The following WNT7B variants were observed in gnomAD, a reference collection of about 807,000 sequenced individuals.
WNT7B encodes Wnt family member 7B.
In WNT7B, 19 loss-of-function variants were observed where a neutral mutation model predicts 38.2. The ratio of observed to expected loss-of-function variants is 0.50; its 90% CI spans 0.35 to 0.73. The LOEUF (loss-of-function observed/expected upper bound fraction) is 0.73, where lower values mean the gene tolerates loss of function less well. Among genes scored for constraint, WNT7B ranks in the 30% least tolerant of loss-of-function variants. The pLI is 0.01. For missense variants in WNT7B, 423 were observed against 507.9 expected (o/e 0.83, Z 1.61); for synonymous variants, 243 against 209.3 (o/e 1.16, Z -1.39).
In WNT7B at chr22:45,976,556, C is replaced by A. The variant is rs1932555722; in HGVS notation, c.71+128G>T. The A allele has an allele frequency of 9.7e-7, 1 of 1,027,308 alleles. No individual in the cohort carries two copies. Among genetic ancestry groups the A allele is most frequent in the African/African-American group, 1.6e-5 (1 of 62,012 alleles). 63.6% of individuals were successfully genotyped at this position (1,027,308 alleles called of 1,614,324 possible). ...GTGGGGCGAGGGTCTGACACACGGG[C>A]CAGCCCCGGAGCCCAGAGAGCTGCA... On this transcript the variant is annotated intron_variant, in intron 1 of 3. Coordinates refer to ENST00000339464, the MANE Select transcript of WNT7B (RefSeq NM_058238.3). The surrounding 1 kb of genome is among the most constrained non-coding windows in gnomAD (Gnocchi z 8.5).
chr22:45,935,878 A>G (rs1261378933), intron 2 of WNT7B: 1 of 985,156 alleles, frequency 1.0e-6, no homozygotes, highest in East Asian at 1.1e-4. Flanking sequence ...GTGATGGGGA[A>G]GCTGGATGAG....
chr22:45,948,991 T>C (rs1931863847), intron 2 of WNT7B, among the ~76,000 whole-genome samples: 2 of 151,966 alleles, frequency 1.3e-5, no homozygotes, highest in African/African-American at 4.8e-5. Flanking sequence ...TGGGATTGTC[T>C]GGCTAATTTT....
intron 2 of WNT7B, among the ~76,000 whole-genome samples, chr22:45,947,174 C>T (rs1931816674): frequency 6.6e-6 from 1 of 152,324 alleles, no homozygotes; most frequent in African/African-American, 2.4e-5. Flanking sequence ...TCAGATACGC[C>T]CGAAGCTCTG....
intron 2 of WNT7B, among the ~76,000 whole-genome samples, chr22:45,931,914 G>C (rs1931374975): frequency 6.6e-6 from 1 of 152,172 alleles, no homozygotes; most frequent in Non-Finnish European, 1.5e-5. Flanking sequence ...CCCCAGCCAG[G>C]AACCCAGGCA....
chr22:45,932,418 C>CCA (rs368545717), intron 2 of WNT7B, among the ~76,000 whole-genome samples: 1 of 149,870 alleles, frequency 6.7e-6, no homozygotes, highest in African/African-American at 2.5e-5. Flanking sequence ...CTTCCCAGAC[C>CCA]CCCCCCGCCA....
At chr22:45,974,226 A>G (rs1479782100) in intron 1 of WNT7B, among the ~76,000 whole-genome samples, 1 of 152,172 alleles carries the variant, frequency 6.6e-6, no homozygotes, top group Non-Finnish European at 1.5e-5. Context: ...GGATGAAGAA[A>G]GGGAGGCTGA....
chr22:45,941,046 C>T (rs1294358581), intron 2 of WNT7B, among the ~76,000 whole-genome samples: 1 of 152,142 alleles, frequency 6.6e-6, no homozygotes, highest in Non-Finnish European at 1.5e-5. Flanking sequence ...CTTTGACTTA[C>T]ATTGAAAGGG....
intron 2 of WNT7B, among the ~76,000 whole-genome samples, chr22:45,938,030 A>G (rs1408251353): frequency 6.6e-6 from 1 of 152,198 alleles, no homozygotes; most frequent in Admixed American, 6.5e-5. Flanking sequence ...GACATTTTCT[A>G]CAACTCAATA....
chr22:45,959,608 G>A (rs1429059938), intron 1 of WNT7B, among the ~76,000 whole-genome samples: 1 of 152,004 alleles, frequency 6.6e-6, no homozygotes, highest in African/African-American at 2.4e-5. Flanking sequence ...CCCAAAAACC[G>A]ACCCCACAAA....
At position 45,976,538 on chromosome 22, in the gene WNT7B, G is replaced by A. The variant is rs1932555251; in HGVS notation, c.71+146C>T. 4 of 814,304 alleles carry A rather than the reference G, an allele frequency of 4.9e-6. No homozygotes were observed. Among genetic ancestry groups the A allele is most frequent in the Admixed American group, 2.5e-5 (1 of 40,618 alleles). The allele number at this position is 814,304 out of a possible 1,614,324, so 50.4% of individuals were successfully genotyped here. On this transcript the variant is annotated intron_variant, in intron 1 of 3. Transcript: ENST00000339464. This position sits in a 1 kb window ranked among gnomAD's most constrained non-coding sequence, Gnocchi z 8.5. ...GGCTGCGTCTCTGCTGGCGTGGGGC[G>A]AGGGTCTGACACACGGGCCAGCCCC...
intron 3 of WNT7B, 29 bp downstream of exon 3, chr22:45,931,069 G>A (rs373952873): frequency 3.9e-4 from 600 of 1,538,262 alleles, no homozygotes; most frequent in African/African-American, 1.0e-3. Flanking sequence ...TCCCAGCTAC[G>A]GCCCCCACCA....
At chr22:45,932,419 C>CCT (rs980157017) in intron 2 of WNT7B, among the ~76,000 whole-genome samples, 32 of 152,156 alleles carry the variant, frequency 2.1e-4, no homozygotes, top group African/African-American at 6.8e-4. Flanking sequence ...TTCCCAGACC[C>CCT]CCCCCGCCAG....
At chr22:45,953,956 C>T (rs1329412508) in intron 1 of WNT7B, among the ~76,000 whole-genome samples, 1 of 152,128 alleles carries the variant, frequency 6.6e-6, no homozygotes, top group Non-Finnish European at 1.5e-5. Context: ...AGTTTGTACA[C>T]AAATGATCAC....
Position 45,923,003 on chromosome 22 carries a change from C to T in WNT7B, c.903G>A (p.Ala301=), listed in dbSNP as rs151338959. The change falls in exon 4 of 4, where the codon GCG becomes GCA. Residue 301 remains alanine, a synonymous_variant. Transcript: ENST00000339464. ...CGCAGCACATGGTGTCACAGCCGTC[C>T]GCGCCGGGCGACGTGCGGTTGCAGA... ...GRLCNRTSPG[A]DGCDTMCCGR... 514 of 1,612,844 alleles carry T rather than the reference C, an allele frequency of 3.2e-4. 1 individual carries two copies. The highest frequency in any genetic ancestry group is 3.5e-4 in the Non-Finnish European group (413 of 1,179,682).
intron 1 of WNT7B, among the ~76,000 whole-genome samples, chr22:45,960,400 G>A (rs1385768551): frequency 6.6e-6 from 1 of 152,164 alleles, no homozygotes; most frequent in Non-Finnish European, 1.5e-5. Flanking sequence ...AGACTCCCCA[G>A]GGCAGGGGTC....
rs201669202 is a variant in WNT7B at position 45,923,341 on chromosome 22, G to A, written c.571-6C>T. ...TGCATCCGGTCCTCTAGAACCTGCG[G>A]GTGACAGGGAAGCTGCTCGGCACGG... is the stretch of plus-strand genomic sequence containing the variant. On this transcript the variant is annotated splice_region_variant and splice_polypyrimidine_tract_variant and intron_variant, in intron 3 of 3. Transcript: ENST00000339464. The A allele has an allele frequency of 3.1e-6, 5 of 1,593,208 alleles. No individual in the cohort carries two copies. The highest frequency in any genetic ancestry group is 1.1e-5 in the South Asian group (1 of 88,642).
intron 3 of WNT7B, among the ~76,000 whole-genome samples, chr22:45,929,955 C>CTCATACATCTACCCACCCATGCATCCAT (rs1931280392): frequency 6.6e-6 from 1 of 150,882 alleles, no homozygotes; most frequent in Non-Finnish European, 1.5e-5. Context: ...CATCCATCCA[C>CTCATACATCTACCCACCCATGCATCCAT]TCATACATCT....
chr22:45,932,050 C>T (rs1025453702), intron 2 of WNT7B, among the ~76,000 whole-genome samples: 3 of 152,182 alleles, frequency 2.0e-5, no homozygotes, highest in Admixed American at 2.0e-4. Context: ...ACCCAGGGGC[C>T]CCAGAACTGC....
intron 1 of WNT7B, chr22:45,972,239 G>A (rs1932461896): frequency 3.1e-6 from 2 of 643,220 alleles, no homozygotes; most frequent in East Asian, 6.9e-5. Context: ...TAGAAGCATG[G>A]TGGGCCGGCG....
Sources: gnomAD v4.1 joint callset for allele counts (sites outside exome capture counted in the v4.1 genomes callset) on GRCh38, gnomAD v4.1.1 for gene constraint, Gnocchi (gnomAD v3.1) non-coding constraint, MANE v1.5 for transcripts, NCBI Gene and HGNC (gene_info 2026-07-23, HGNC 2026-07-21) for gene names.